Variants in ATP8A2 observed in about 807,000 individuals in gnomAD.
ATP8A2 encodes the protein ATPase phospholipid transporting 8A2.
In ATP8A2, 100 loss-of-function variants were observed where a neutral mutation model predicts 165.6. The ratio of observed to expected loss-of-function variants is 0.60; its 90% CI spans 0.51 to 0.71. The LOEUF is 0.71. Among genes scored for constraint, ATP8A2 ranks in the 30% least tolerant of loss-of-function variants. The pLI is 0.00. For missense variants in ATP8A2, 1,227 were observed against 1,479.5 expected, an observed-to-expected ratio of 0.83 and a Z score of 2.80; for synonymous variants, 543 against 548.8, an observed-to-expected ratio of 0.99 and a Z score of 0.15.
chr13:25,578,762 G>T, intron 20 of ATP8A2, 53 bp from the exon 21 acceptor site: 2 of 1,019,172 alleles, frequency 2.0e-6, no homozygotes, highest in Non-Finnish European at 3.1e-6. Context: ...TAGTATGCTG[G>T]CTGGAAGGTT....
At chr13:25,440,778 G>A (rs1437349163) in intron 1 of ATP8A2, among the ~76,000 whole-genome samples, 1 of 152,250 alleles carries the variant, frequency 6.6e-6, no homozygotes, top group African/African-American at 2.4e-5. Context: ...TTCTAGGTAT[G>A]GATTATAGGT....
At chr13:26,007,314 TCCTTGACATTTCAA>T (rs1320881070) in intron 35 of ATP8A2, among the ~76,000 whole-genome samples, 8 of 152,224 alleles carry the variant, frequency 5.3e-5, no homozygotes, top group Admixed American at 1.3e-4. Flanking sequence ...AAAATAATGT[TCCTTGACATTTCAA>T]CATTGGAGTG....
At chr13:25,702,930 GT>G (rs2042980865) in intron 25 of ATP8A2, among the ~76,000 whole-genome samples, 1 of 151,980 alleles carries the variant, frequency 6.6e-6, no homozygotes, top group African/African-American at 2.4e-5. Flanking sequence ...TTTTCCCAAG[GT>G]TTTACCTCTG....
chr13:25,561,894 C>T (rs1007675486), intron 15 of ATP8A2, among the ~76,000 whole-genome samples: 1 of 152,148 alleles, frequency 6.6e-6, no homozygotes, highest in African/African-American at 2.4e-5. Context: ...TTGTGTTTGG[C>T]GTATTTCCCT....
At chr13:25,865,869 A>G (rs768511808) in intron 33 of ATP8A2, among the ~76,000 whole-genome samples, 21 of 152,180 alleles carry the variant, frequency 1.4e-4, no homozygotes, top group Non-Finnish European at 2.9e-4. Flanking sequence ...GGTTGTGTCT[A>G]TCCTGGGGAA....
At chr13:25,862,466 A>G in intron 33 of ATP8A2, 58 bp downstream of exon 33, 2 of 1,355,060 alleles carry the variant, frequency 1.5e-6, no homozygotes, top group Admixed American at 1.7e-5. Flanking sequence ...ATGTTTCTCC[A>G]TGGGCGGGTG....
chr13:25,678,059 A>C (rs1056164078), intron 24 of ATP8A2, among the ~76,000 whole-genome samples: 1 of 152,220 alleles, frequency 6.6e-6, no homozygotes. Context: ...AACATGACTC[A>C]TGATAGCTCA....
intron 33 of ATP8A2, among the ~76,000 whole-genome samples, chr13:25,891,577 G>A (rs1384694060): frequency 6.6e-6 from 1 of 152,112 alleles, no homozygotes; most frequent in Non-Finnish European, 1.5e-5. Flanking sequence ...GCCTACCTTG[G>A]CCTCCCAAAG....
intron 28 of ATP8A2, among the ~76,000 whole-genome samples, chr13:25,828,769 A>C (rs1341872421): frequency 2.6e-5 from 4 of 152,218 alleles, no homozygotes; most frequent in Admixed American, 2.0e-4. Flanking sequence ...TTTTATAACT[A>C]TGATGAATTC....
intron 25 of ATP8A2, among the ~76,000 whole-genome samples, chr13:25,745,092 C>T (rs1377166649): frequency 4.6e-5 from 7 of 152,132 alleles, no homozygotes; most frequent in Admixed American, 4.6e-4. Context: ...AGGCGCCTGC[C>T]ACCACGCCCA....
At chr13:25,588,671 T>C (rs1566305223) in intron 23 of ATP8A2, among the ~76,000 whole-genome samples, 2 of 152,214 alleles carry the variant, frequency 1.3e-5, no homozygotes, top group Admixed American at 1.3e-4. Context: ...GAGACAAAAC[T>C]AGTTGTGGGG....
intron 27 of ATP8A2, among the ~76,000 whole-genome samples, chr13:25,816,368 A>G (rs1487653572): frequency 2.0e-5 from 3 of 152,054 alleles, no homozygotes; most frequent in African/African-American, 7.2e-5. Flanking sequence ...TGTTCCAGCC[A>G]CCTGGCAGCT....
intron 27 of ATP8A2, among the ~76,000 whole-genome samples, chr13:25,815,525 T>C (rs79426617): frequency 0.022 from 3,416 of 152,206 alleles, 123 homozygotes; most frequent in East Asian, 0.17. Context: ...CTATTATCAA[T>C]AGAAAACAAA....
intron 33 of ATP8A2, among the ~76,000 whole-genome samples, chr13:25,925,253 G>T (rs566424737): frequency 1.3e-5 from 2 of 152,278 alleles, no homozygotes; most frequent in African/African-American, 4.8e-5. Flanking sequence ...TTAGGTGGGG[G>T]CAGGGCGCTG....
At chr13:25,826,765 A>G (rs915044084) in intron 27 of ATP8A2, among the ~76,000 whole-genome samples, 2 of 152,086 alleles carry the variant, frequency 1.3e-5, no homozygotes, top group African/African-American at 2.4e-5. Context: ...GTAGCTGAAT[A>G]TTCAGCAGCA....
At chr13:25,456,000 C>T (rs1430465730) in intron 1 of ATP8A2, among the ~76,000 whole-genome samples, 1 of 152,156 alleles carries the variant, frequency 6.6e-6, no homozygotes, top group African/African-American at 2.4e-5. Flanking sequence ...GTGTGTCTAT[C>T]TGGCTATGGG....
chr13:25,916,878 T>C (rs1446574236), intron 33 of ATP8A2, among the ~76,000 whole-genome samples: 1 of 152,202 alleles, frequency 6.6e-6, no homozygotes, highest in Non-Finnish European at 1.5e-5. Context: ...TGTTTTTCTA[T>C]ATACCTCTTC....
intron 33 of ATP8A2, among the ~76,000 whole-genome samples, chr13:25,899,190 G>A (rs1054682052): frequency 6.6e-6 from 1 of 152,202 alleles, no homozygotes; most frequent in African/African-American, 2.4e-5. Flanking sequence ...GTCCAGAGAA[G>A]CTTATTGCTG....
intron 35 of ATP8A2, among the ~76,000 whole-genome samples, chr13:26,008,291 G>A (rs757056432): frequency 6.6e-6 from 1 of 152,150 alleles, no homozygotes; most frequent in Non-Finnish European, 1.5e-5. Context: ...CAAAAAGCAA[G>A]AGAAGGGTAG....
Sources: allele counts gnomAD v4.1 joint callset (sites outside exome capture counted in the v4.1 genomes callset), GRCh38; gene constraint gnomAD v4.1.1; transcripts MANE v1.5; gene names NCBI Gene and HGNC (gene_info 2026-07-23, HGNC 2026-07-21).